Variants in TENT5D observed in about 807,000 individuals in gnomAD.
TENT5D encodes the protein cancer/testis antigen 112.
For synonymous variants in TENT5D, 103 were observed against 100.6 expected (o/e 1.02, Z -0.15); for missense variants, 191 against 287.0 (o/e 0.67, Z 2.42).
At chrX:80,410,658 A>C (rs1331730053) in intron 3 of TENT5D, among the ~76,000 whole-genome samples, 60 of 93,532 alleles carry the variant, frequency 6.4e-4, no homozygotes, top group Admixed American at 1.5e-3. Context: ...ACTGTAAACT[A>C]GTTCAACCAT....
chrX:80,351,613 G>A (rs1360169102), intron 3 of TENT5D, among the ~76,000 whole-genome samples: 1 of 109,572 alleles, frequency 9.1e-6, no homozygotes, highest in Non-Finnish European at 1.9e-5. Context: ...AGCTCAAAGG[G>A]GTTTGTTATT....
At chrX:80,387,950 A>G (rs1440646163) in intron 3 of TENT5D, among the ~76,000 whole-genome samples, 1 of 111,027 alleles carries the variant, frequency 9.0e-6, no homozygotes, top group Non-Finnish European at 1.9e-5. Flanking sequence ...CACAAGACAA[A>G]GTCCTTCCCA....
chrX:80,358,309 A>G (rs1172644580), intron 3 of TENT5D, among the ~76,000 whole-genome samples: 9 of 111,926 alleles, frequency 8.0e-5, no homozygotes, highest in African/African-American at 2.9e-4. Context: ...GCCAAAATTG[A>G]CAAATGGGAT....
chrX:80,402,695 A>G (rs1397542008), intron 3 of TENT5D, among the ~76,000 whole-genome samples: 1 of 111,832 alleles, frequency 8.9e-6, no homozygotes, highest in Non-Finnish European at 1.9e-5. Context: ...TGAATTTTAT[A>G]TAATTTCTCC....
intron 3 of TENT5D, among the ~76,000 whole-genome samples, chrX:80,415,140 T>A (rs999818008): frequency 8.9e-6 from 1 of 111,868 alleles, no homozygotes; most frequent in Non-Finnish European, 1.9e-5. Flanking sequence ...TACATTAGTT[T>A]TGTATCCTGA....
chrX:80,413,560 C>T (rs1451726367), intron 3 of TENT5D, among the ~76,000 whole-genome samples: 1 of 111,711 alleles, frequency 9.0e-6, no homozygotes, highest in Non-Finnish European at 1.9e-5. Flanking sequence ...CTTTCCCATG[C>T]TATTCTTGTG....
intron 3 of TENT5D, among the ~76,000 whole-genome samples, chrX:80,384,887 G>C (rs944354669): frequency 1.8e-5 from 2 of 110,277 alleles, no homozygotes; most frequent in Non-Finnish European, 3.8e-5. Context: ...CCTCTTCAAG[G>C]AGAACTACAA....
chrX:80,410,721 T>G (rs1456739924), intron 3 of TENT5D, among the ~76,000 whole-genome samples: 4 of 107,985 alleles, frequency 3.7e-5, no homozygotes, highest in Non-Finnish European at 5.7e-5. Context: ...AAATACCATT[T>G]GACCCAGCCA....
chrX:80,384,152 G>T (rs1487958288), intron 3 of TENT5D, among the ~76,000 whole-genome samples: 1 of 103,471 alleles, frequency 9.7e-6, no homozygotes, highest in East Asian at 3.1e-4. Context: ...TATCCCTGAT[G>T]AACATCGATG....
At chrX:80,387,519 G>T (rs1931041928) in intron 3 of TENT5D, among the ~76,000 whole-genome samples, 1 of 112,114 alleles carries the variant, frequency 8.9e-6, no homozygotes, top group Non-Finnish European at 1.9e-5. Context: ...CAGCTTGCTG[G>T]TCTTGGATAT....
At chrX:80,413,532 T>C (rs757962161) in intron 3 of TENT5D, among the ~76,000 whole-genome samples, 13 of 111,707 alleles carry the variant, frequency 1.2e-4, no homozygotes, top group Admixed American at 4.8e-4. Flanking sequence ...GGGAGGTAAT[T>C]GAATCATGGG....
exon 3 of TENT5D, chrX:80,442,983 C>T (rs368878211): frequency 1.7e-6 from 2 of 1,211,112 alleles, no homozygotes; most frequent in African/African-American, 3.5e-5. Context: ...GTCTTATCTC[C>T]CTTTCAAATA....
At chrX:80,435,180 G>C (rs1932162162) in intron 1 of TENT5D, among the ~76,000 whole-genome samples, 1 of 111,651 alleles carries the variant, frequency 9.0e-6, no homozygotes, top group African/African-American at 3.3e-5. Context: ...TGTGATGTAA[G>C]TATTGTTCTG....
At chrX:80,353,128 T>G (rs1007012313) in intron 3 of TENT5D, among the ~76,000 whole-genome samples, 1 of 112,519 alleles carries the variant, frequency 8.9e-6, no homozygotes, top group African/African-American at 3.2e-5. Flanking sequence ...TCTGCCATCT[T>G]GCCAGCAGCC....
intron 3 of TENT5D, among the ~76,000 whole-genome samples, chrX:80,382,679 T>C (rs1930893019): frequency 1.1e-5 from 1 of 94,833 alleles, no homozygotes; most frequent in Non-Finnish European, 2.1e-5. Context: ...TTTGTTTACC[T>C]ACTCAAACTT....
chrX:80,368,393 T>G (rs889438798), intron 3 of TENT5D, among the ~76,000 whole-genome samples: 1 of 111,768 alleles, frequency 8.9e-6, no homozygotes, highest in Non-Finnish European at 1.9e-5. Flanking sequence ...CCGCACTGCC[T>G]TCTTGTATAT....
intron 2 of TENT5D, among the ~76,000 whole-genome samples, chrX:80,442,026 T>TATGAGAGAGTG (rs1932293189): frequency 9.0e-6 from 1 of 111,218 alleles, no homozygotes; most frequent in African/African-American, 3.3e-5. Flanking sequence ...CTGAAAAGTA[T>TATGAGAGAGTG]ATGAGAGAGT....
At chrX:80,375,770 C>T (rs1303643446) in intron 3 of TENT5D, among the ~76,000 whole-genome samples, 1 of 111,146 alleles carries the variant, frequency 9.0e-6, no homozygotes, top group Non-Finnish European at 1.9e-5. Context: ...AAGCAGAAAC[C>T]TTTAGTGACA....
chrX:80,389,213 T>G (rs1931081695), intron 3 of TENT5D, among the ~76,000 whole-genome samples: 1 of 111,328 alleles, frequency 9.0e-6, no homozygotes, highest in Non-Finnish European at 1.9e-5. Flanking sequence ...ACTCATCTGA[T>G]TTTTGGTTCT....
Sources: gnomAD v4.1 joint callset for allele counts (sites outside exome capture counted in the v4.1 genomes callset) on GRCh38, gnomAD v4.1.1 for gene constraint, MANE v1.5 for transcripts, NCBI Gene and HGNC (gene_info 2026-07-23, HGNC 2026-07-21) for gene names.